Variants in TBC1D19 observed in about 807,000 individuals in gnomAD.
TBC1D19 encodes TBC1 domain family member 19.
Under a neutral mutation model 89.0 loss-of-function variants are expected in TBC1D19, and 60 were observed. The ratio of observed to expected loss-of-function variants is 0.67; its 90% confidence interval spans 0.55 to 0.84. The LOEUF is 0.84. TBC1D19 is among the 40% of genes least tolerant of loss of function. The probability of loss-of-function intolerance (pLI) is 0.00; values close to 1 mark genes in which losing one functional copy is unlikely to be tolerated. For missense variants in TBC1D19, 500 were observed against 610.8 expected, an observed-to-expected ratio of 0.82 and a Z score of 1.91; for synonymous variants, 189 against 199.7, an observed-to-expected ratio of 0.95 and a Z score of 0.45.
At chr4:26,653,175 G>A (rs1305803565) in intron 7 of TBC1D19, among the ~76,000 whole-genome samples, 1 of 152,162 alleles carries the variant, frequency 6.6e-6, no homozygotes, top group Non-Finnish European at 1.5e-5. Context: ...TAGTTGAGCT[G>A]TTCTGAGTGA....
At chr4:26,613,999 G>A (rs1438398773) in intron 2 of TBC1D19, among the ~76,000 whole-genome samples, 3 of 152,080 alleles carry the variant, frequency 2.0e-5, no homozygotes, top group African/African-American at 4.8e-5. Context: ...CTTTGCTGAC[G>A]TGTGAATTAT....
chr4:26,775,418 C>T, the TBC1D19 span, among the ~76,000 whole-genome samples: 5 of 152,152 alleles, frequency 3.3e-5, no homozygotes, highest in African/African-American at 7.2e-5. Flanking sequence ...TGTGTTACCA[C>T]ACTCCAGCCT....
intron 8 of TBC1D19, among the ~76,000 whole-genome samples, chr4:26,660,977 T>C (rs754876064): frequency 9.2e-5 from 14 of 152,204 alleles, no homozygotes; most frequent in Non-Finnish European, 1.9e-4. Context: ...AGAAGCAATA[T>C]GATTTTCTCC....
the TBC1D19 span, among the ~76,000 whole-genome samples, chr4:26,838,030 G>A: frequency 6.6e-6 from 1 of 152,160 alleles, no homozygotes; most frequent in African/African-American, 2.4e-5. Flanking sequence ...ATTAAGTGGG[G>A]ACAGAATCTA....
chr4:26,624,127 G>A (rs1005383387), intron 4 of TBC1D19, among the ~76,000 whole-genome samples: 1 of 152,096 alleles, frequency 6.6e-6, no homozygotes, highest in Non-Finnish European at 1.5e-5. Context: ...GCCTGTCCAA[G>A]TGAATCATTT....
intron 13 of TBC1D19, among the ~76,000 whole-genome samples, chr4:26,691,203 A>C (rs2109167854): frequency 6.6e-6 from 1 of 152,310 alleles, no homozygotes; most frequent in East Asian, 1.9e-4. Context: ...AACTTACATG[A>C]ATGAAGAGTT....
At chr4:26,679,932 G>A (rs1713183267) in intron 11 of TBC1D19, among the ~76,000 whole-genome samples, 3 of 152,208 alleles carry the variant, frequency 2.0e-5, no homozygotes, top group Admixed American at 2.0e-4. Context: ...ATCTCATCTT[G>A]AATTATAGTT....
At chr4:26,819,109 A>G in the TBC1D19 span, among the ~76,000 whole-genome samples, 1 of 152,216 alleles carries the variant, frequency 6.6e-6, no homozygotes, top group Non-Finnish European at 1.5e-5. Flanking sequence ...CGCTGGAAGC[A>G]AAGACAAAAG....
chr4:26,724,913 C>T (rs1485280533), intron 15 of TBC1D19, among the ~76,000 whole-genome samples: 1 of 152,192 alleles, frequency 6.6e-6, no homozygotes, highest in Non-Finnish European at 1.5e-5. Context: ...TATTCCTTCT[C>T]CTAGGTGGCT....
At chr4:26,595,928 A>G (rs1740176121) in intron 1 of TBC1D19, among the ~76,000 whole-genome samples, 1 of 152,096 alleles carries the variant, frequency 6.6e-6, no homozygotes, top group Admixed American at 6.5e-5. Flanking sequence ...TGTTAGCAAG[A>G]TTTTTAATAC....
intron 11 of TBC1D19, among the ~76,000 whole-genome samples, chr4:26,682,114 T>C (rs920029981): frequency 6.6e-6 from 1 of 152,210 alleles, no homozygotes; most frequent in Admixed American, 6.5e-5. Context: ...AACTTATTTT[T>C]AAATAGAGGC....
At chr4:26,638,561 A>C (rs922127349) in intron 5 of TBC1D19, among the ~76,000 whole-genome samples, 1 of 152,158 alleles carries the variant, frequency 6.6e-6, no homozygotes, top group Non-Finnish European at 1.5e-5. Flanking sequence ...CATTAGCACC[A>C]TGTTCTAACT....
At chr4:26,613,360 T>C (rs749443302) in intron 2 of TBC1D19, 119 bp downstream of exon 2, 5 of 644,148 alleles carry the variant, frequency 7.8e-6, no homozygotes, top group Admixed American at 3.7e-5. Context: ...TGTTTTGTTT[T>C]GTTTTAGGCT....
intron 7 of TBC1D19, among the ~76,000 whole-genome samples, chr4:26,644,827 T>C (rs536399683): frequency 1.2e-4 from 18 of 152,278 alleles, no homozygotes; most frequent in African/African-American, 4.1e-4. Context: ...TTACAATTGC[T>C]ACAAAGAGAA....
chr4:26,707,171 A>G (rs1268623896), intron 13 of TBC1D19, among the ~76,000 whole-genome samples: 3 of 151,742 alleles, frequency 2.0e-5, no homozygotes, highest in Non-Finnish European at 4.4e-5. Context: ...AATTGTCTAT[A>G]TCTCCTTTCA....
At chr4:26,679,916 A>G (rs1713182236) in intron 11 of TBC1D19, among the ~76,000 whole-genome samples, 1 of 152,240 alleles carries the variant, frequency 6.6e-6, no homozygotes. Context: ...TTGTGTCCCC[A>G]TCCAAATCTC....
At chr4:26,591,958 A>G (rs1177427635) in intron 1 of TBC1D19, among the ~76,000 whole-genome samples, 1 of 152,212 alleles carries the variant, frequency 6.6e-6, no homozygotes, top group Non-Finnish European at 1.5e-5. Context: ...AATCAATAGA[A>G]AAAGAGGGAA....
At chr4:26,781,324 G>T in the TBC1D19 span, among the ~76,000 whole-genome samples, 2 of 152,294 alleles carry the variant, frequency 1.3e-5, no homozygotes, top group East Asian at 1.9e-4. Flanking sequence ...ACAAAGTGAG[G>T]CTCTCAAGTC....
the TBC1D19 span, among the ~76,000 whole-genome samples, chr4:26,795,858 A>G: frequency 6.6e-6 from 1 of 152,196 alleles, no homozygotes. Context: ...CATACAGTGA[A>G]TATTTTTCTT....
Sources: gnomAD v4.1 joint callset for allele counts (sites outside exome capture counted in the v4.1 genomes callset) on GRCh38, gnomAD v4.1.1 for gene constraint, MANE v1.5 for transcripts, NCBI Gene and HGNC (gene_info 2026-07-23, HGNC 2026-07-21) for gene names.